Variants in NOS1AP observed in about 807,000 individuals in gnomAD.
NOS1AP encodes carboxyl-terminal PDZ ligand of neuronal nitric oxide synthase protein.
Under a neutral mutation model 56.2 loss-of-function variants are expected in NOS1AP, and 21 were observed. That is an observed-to-expected ratio of 0.37 (90% CI 0.26 to 0.54). The LOEUF is 0.54. NOS1AP is among the 20% of genes least tolerant of loss of function. The probability of loss-of-function intolerance (pLI) is 0.84; values close to 1 mark genes in which losing one functional copy is unlikely to be tolerated. For synonymous variants in NOS1AP, 270 were observed against 274.6 expected (o/e 0.98, Z 0.17); for missense variants, 522 against 657.8 (o/e 0.79, Z 2.26).
intron 2 of NOS1AP, among the ~76,000 whole-genome samples, chr1:162,227,839 C>G (rs1163291514): frequency 1.3e-5 from 2 of 152,096 alleles, no homozygotes; most frequent in South Asian, 2.1e-4. Flanking sequence ...AAAACCACCA[C>G]TATGAGAGAC....
intron 2 of NOS1AP, among the ~76,000 whole-genome samples, chr1:162,208,915 A>G (rs1571128646): frequency 6.6e-6 from 1 of 152,220 alleles, no homozygotes; most frequent in East Asian, 1.9e-4. Context: ...GGCCATATTC[A>G]TCATCTTCTA....
chr1:162,097,632 C>T (rs925205252), intron 1 of NOS1AP, among the ~76,000 whole-genome samples: 15 of 152,136 alleles, frequency 9.9e-5, no homozygotes, highest in Non-Finnish European at 4.4e-5. Context: ...GTCTGTTCAC[C>T]ACTTTTACCA....
intron 4 of NOS1AP, among the ~76,000 whole-genome samples, chr1:162,310,733 T>C (rs1655998209): frequency 6.6e-6 from 1 of 152,188 alleles, no homozygotes; most frequent in African/African-American, 2.4e-5. Flanking sequence ...TGGTAGATGA[T>C]AATACCCATC....
intron 2 of NOS1AP, among the ~76,000 whole-genome samples, chr1:162,238,638 G>C (rs1291961781): frequency 6.6e-6 from 1 of 152,154 alleles, no homozygotes; most frequent in East Asian, 1.9e-4. Flanking sequence ...TGAAATATGA[G>C]TGAGAAAAAA....
At chr1:162,084,965 A>G (rs1415094197) in intron 1 of NOS1AP, among the ~76,000 whole-genome samples, 3 of 152,120 alleles carry the variant, frequency 2.0e-5, no homozygotes, top group Non-Finnish European at 2.9e-5. Context: ...TACCCAGCCC[A>G]TAGTGTTTTC....
intron 3 of NOS1AP, among the ~76,000 whole-genome samples, chr1:162,299,906 A>G (rs530014220): frequency 1.3e-5 from 2 of 152,300 alleles, no homozygotes; most frequent in African/African-American, 2.4e-5. Flanking sequence ...TCCAAAGCCC[A>G]GTATGTTTAG....
At chr1:162,078,867 T>A (rs1691828982) in intron 1 of NOS1AP, among the ~76,000 whole-genome samples, 1 of 152,170 alleles carries the variant, frequency 6.6e-6, no homozygotes, top group African/African-American at 2.4e-5. Context: ...ATGTTACCAG[T>A]CCCACCTGCT....
At chr1:162,186,415 A>G (rs937894871) in intron 2 of NOS1AP, among the ~76,000 whole-genome samples, 8 of 151,880 alleles carry the variant, frequency 5.3e-5, no homozygotes, top group Admixed American at 2.0e-4. Context: ...AAACAAAACA[A>G]AACAAAAAAA....
At chr1:162,261,340 C>T (rs1463402303) in intron 2 of NOS1AP, among the ~76,000 whole-genome samples, 1 of 136,858 alleles carries the variant, frequency 7.3e-6, no homozygotes, top group Non-Finnish European at 1.5e-5. Context: ...CCTTCTATGG[C>T]AGCAGGGAGT....
chr1:162,234,193 G>A (rs1653213821), intron 2 of NOS1AP, among the ~76,000 whole-genome samples: 1 of 152,134 alleles, frequency 6.6e-6, no homozygotes, highest in Non-Finnish European at 1.5e-5. Context: ...TTGAGAAATG[G>A]GTATCATTCC....
At chr1:162,256,098 C>T (rs543483168) in intron 2 of NOS1AP, among the ~76,000 whole-genome samples, 5 of 151,798 alleles carry the variant, frequency 3.3e-5, no homozygotes, top group Admixed American at 6.6e-5. Flanking sequence ...GAGCCAAGAT[C>T]GCGCCACTGC....
At chr1:162,232,184 T>C (rs1220453027) in intron 2 of NOS1AP, among the ~76,000 whole-genome samples, 2 of 152,198 alleles carry the variant, frequency 1.3e-5, no homozygotes, top group Admixed American at 1.3e-4. Context: ...TGTGCAAACC[T>C]GGGTTTGTAA....
intron 5 of NOS1AP, among the ~76,000 whole-genome samples, chr1:162,335,369 A>G (rs1488246604): frequency 6.6e-6 from 1 of 152,212 alleles, no homozygotes; most frequent in African/African-American, 2.4e-5. Context: ...AAGCTAAGAA[A>G]GGGAAGTGAA....
chr1:162,140,482 T>C (rs1168870760), intron 1 of NOS1AP, among the ~76,000 whole-genome samples: 2 of 152,220 alleles, frequency 1.3e-5, no homozygotes, highest in Non-Finnish European at 2.9e-5. Context: ...ATGATTTCTT[T>C]CTTTTTTTCA....
chr1:162,217,111 C>T (rs1652595476), intron 2 of NOS1AP, among the ~76,000 whole-genome samples: 7 of 151,832 alleles, frequency 4.6e-5, no homozygotes, highest in Admixed American at 3.3e-4. Flanking sequence ...ATGCATACAC[C>T]TAGGTACTTC....
intron 3 of NOS1AP, among the ~76,000 whole-genome samples, chr1:162,290,199 T>C (rs1655244181): frequency 6.6e-6 from 1 of 152,238 alleles, no homozygotes; most frequent in African/African-American, 2.4e-5. Context: ...AGCAGGTCTT[T>C]CCTAGATCTA....
At chr1:162,304,601 C>T (rs1270145550) in intron 4 of NOS1AP, among the ~76,000 whole-genome samples, 1 of 152,134 alleles carries the variant, frequency 6.6e-6, no homozygotes, top group Non-Finnish European at 1.5e-5. Context: ...AAAACTCACA[C>T]AGTAGGCTCT....
At chr1:162,241,040 T>G (rs944031471) in intron 2 of NOS1AP, among the ~76,000 whole-genome samples, 2 of 152,180 alleles carry the variant, frequency 1.3e-5, no homozygotes, top group African/African-American at 4.8e-5. Flanking sequence ...AGACATGTAC[T>G]GGCTAGAGGC....
At chr1:162,150,368 T>C (rs1649658824) in intron 1 of NOS1AP, among the ~76,000 whole-genome samples, 2 of 152,256 alleles carry the variant, frequency 1.3e-5, no homozygotes, top group African/African-American at 4.8e-5. Context: ...ATTTGTCTTT[T>C]GAGGGACACT....
Sources: allele counts gnomAD v4.1 joint callset (sites outside exome capture counted in the v4.1 genomes callset), GRCh38; gene constraint gnomAD v4.1.1; transcripts MANE v1.5; gene names NCBI Gene and HGNC (gene_info 2026-07-23, HGNC 2026-07-21).